The following TMEM131 variants were observed in gnomAD, a reference collection of about 807,000 sequenced individuals.
The protein encoded by TMEM131 is transmembrane protein 131.
A neutral mutation model predicts 211.6 loss-of-function variants in TMEM131; 66 were observed. The ratio of observed to expected loss-of-function variants is 0.31; its 90% confidence interval spans 0.26 to 0.38. TMEM131 has a LOEUF of 0.38. Among genes scored for constraint, TMEM131 ranks in the 10% least tolerant of loss-of-function variants. The probability of loss-of-function intolerance (pLI) is 1.00; values close to 1 mark genes in which losing one functional copy is unlikely to be tolerated. For synonymous variants in TMEM131, 844 were observed against 841.3 expected, an observed-to-expected ratio of 1.00 and a Z score of -0.06; for missense variants, 2,036 against 2,299.3, an observed-to-expected ratio of 0.89 and a Z score of 2.34.
intron 1 of TMEM131, among the ~76,000 whole-genome samples, chr2:97,940,364 T>C (rs1311553013): frequency 1.3e-5 from 2 of 152,194 alleles, no homozygotes; most frequent in Non-Finnish European, 1.5e-5. Flanking sequence ...CAAGCACTCC[T>C]ATACACCAAT....
At chr2:97,859,937 C>T (rs1382977806) in intron 4 of TMEM131, among the ~76,000 whole-genome samples, 1 of 152,202 alleles carries the variant, frequency 6.6e-6, no homozygotes, top group Non-Finnish European at 1.5e-5. Context: ...CACTTGGAAC[C>T]TGGATGTGAA....
chr2:97,966,670 T>C (rs145353632), intron 1 of TMEM131, among the ~76,000 whole-genome samples: 4 of 152,212 alleles, frequency 2.6e-5, no homozygotes, highest in African/African-American at 9.6e-5. Context: ...GAGTCAAACA[T>C]AACATGAATA....
At chr2:97,775,248 G>A (rs1679664850) in intron 32 of TMEM131, among the ~76,000 whole-genome samples, 2 of 152,186 alleles carry the variant, frequency 1.3e-5, no homozygotes, top group African/African-American at 2.4e-5. Context: ...AGCCCTGGGA[G>A]CCGAGGCCTC....
In TMEM131 at chr2:97,812,427, T is replaced by C. The variant is rs200514329; in HGVS notation, c.1857A>G (p.Gln619=). The C allele has an allele frequency of 1.4e-4, 220 of 1,600,848 alleles. No individual in the cohort carries two copies. The African/African-American group carries it at 1.8e-3, about 13-fold the overall frequency. ...CAATAGAAAGTTTACTTACCGATGA[T>C]TGATCTGATAAAGAGGATTTTTCAA... The part of the protein sequence containing the change: ...PEFEKSSLSD[Q]SSVTLASGYF... Residue 619 remains glutamine, a synonymous_variant, in exon 17 of 41, where the codon CAA becomes CAG. Transcript: ENST00000186436.
chr2:97,960,273 G>A (rs1369202422), intron 1 of TMEM131, among the ~76,000 whole-genome samples: 1 of 152,128 alleles, frequency 6.6e-6, no homozygotes, highest in Non-Finnish European at 1.5e-5. Context: ...GTTGTAAAAC[G>A]GTAACTTTCT....
At chr2:97,816,204 G>T (rs1397447317) in intron 12 of TMEM131, among the ~76,000 whole-genome samples, 1 of 152,110 alleles carries the variant, frequency 6.6e-6, no homozygotes, top group Admixed American at 6.5e-5. Context: ...AGCCAGGTGT[G>T]GTGGCACGTG....
chr2:97,797,626 G>T, intron 25 of TMEM131, 110 bp from the exon 26 acceptor site: 1 of 912,794 alleles, frequency 1.1e-6, no homozygotes. Flanking sequence ...CTGATTAAAT[G>T]CATAAACAAT....
At chr2:97,940,154 T>C (rs1486752450) in intron 1 of TMEM131, among the ~76,000 whole-genome samples, 1 of 152,132 alleles carries the variant, frequency 6.6e-6, no homozygotes, top group Non-Finnish European at 1.5e-5. Flanking sequence ...TTCTACATAG[T>C]GTTGGAAGTT....
At chr2:97,893,654 T>C (rs534828437) in intron 3 of TMEM131, among the ~76,000 whole-genome samples, 1 of 152,342 alleles carries the variant, frequency 6.6e-6, no homozygotes, top group South Asian at 2.1e-4. Context: ...GATGATGAGC[T>C]TTTTTAAATA....
intron 4 of TMEM131, among the ~76,000 whole-genome samples, chr2:97,880,086 G>A (rs1212261976): frequency 6.6e-6 from 1 of 152,084 alleles, no homozygotes; most frequent in Non-Finnish European, 1.5e-5. Flanking sequence ...TATGTTAAAA[G>A]TACATTCATT....
chr2:97,797,236 T>C lies in TMEM131; in HGVS notation c.2870+129A>G, dbSNP rs1182255980. On this transcript the variant is annotated intron_variant, in intron 26 of 40. Coordinates refer to ENST00000186436, the MANE Select transcript of TMEM131 (RefSeq NM_015348.2). ...AAGGTATGTTTCATCAGGCATGGAG[T>C]GTGTGCATGTTTTGGACAAAGTGAA... 7.5e-6 allele frequency: 7 copies of C among 933,186 alleles called. No homozygotes were observed. In the African/African-American group the frequency reaches 9.9e-5, roughly 13 times the overall value. The allele number at this position is 933,186 out of a possible 1,614,324, so 57.8% of individuals were successfully genotyped here.
intron 11 of TMEM131, among the ~76,000 whole-genome samples, chr2:97,825,897 G>A (rs1199780263): frequency 6.6e-6 from 1 of 152,206 alleles, no homozygotes; most frequent in Non-Finnish European, 1.5e-5. Flanking sequence ...GGCATAGTAG[G>A]TGCCAAAGGA....
chr2:97,757,077 G>C lies in TMEM131; in HGVS notation c.*22C>G. 6.4e-7 allele frequency: 1 copy of C among 1,563,912 alleles called. No individual in the cohort carries two copies. On this transcript the variant is annotated 3_prime_UTR_variant, in exon 41 of 41. Transcript: ENST00000186436. ...CATGATCTAGACGAGGGCCCACTATGTTTGTTTGTTTTTTGCTTAATTTAA... is the reference window on the plus strand; with the variant it reads ...CATGATCTAGACGAGGGCCCACTATCTTTGTTTGTTTTTTGCTTAATTTAA...
intron 1 of TMEM131, among the ~76,000 whole-genome samples, chr2:97,943,037 A>AAAAGAAAAGAAAGAGAAAG (rs1559464422): frequency 9.1e-5 from 6 of 66,000 alleles, no homozygotes; most frequent in Non-Finnish European, 1.6e-4. Flanking sequence ...AAAAGAAAAG[A>AAAAGAAAAGAAAGAGAAAG]AAAGAAAGAA....
intron 28 of TMEM131, among the ~76,000 whole-genome samples, chr2:97,795,961 T>C (rs531268078): frequency 6.6e-6 from 1 of 152,304 alleles, no homozygotes; most frequent in African/African-American, 2.4e-5. Context: ...TAAGATTATC[T>C]GATCCACTTC....
intron 1 of TMEM131, among the ~76,000 whole-genome samples, chr2:97,957,480 G>A (rs1402641941): frequency 6.6e-6 from 1 of 151,996 alleles, no homozygotes; most frequent in African/African-American, 2.4e-5. Flanking sequence ...GGCTTGCTTT[G>A]AAATTCAAGG....
chr2:97,918,189 C>T (rs1003632319), intron 2 of TMEM131, among the ~76,000 whole-genome samples: 6 of 152,110 alleles, frequency 3.9e-5, no homozygotes, highest in South Asian at 2.1e-4. Context: ...GGCGATCCAC[C>T]GGCCTCAGCC....
At chr2:97,758,852 T>TGGGCCA (rs1678656306) in intron 40 of TMEM131, 41 bp downstream of exon 40, 6 of 1,571,516 alleles carry the variant, frequency 3.8e-6, no homozygotes, top group East Asian at 2.3e-5. Flanking sequence ...GGCGAGTGGG[T>TGGGCCA]GGGCCAGGTC....
chr2:97,814,422 ATT>A, intron 13 of TMEM131, 34 bp from the exon 14 acceptor site: 1 of 1,515,442 alleles, frequency 6.6e-7, no homozygotes, highest in Non-Finnish European at 8.9e-7. Context: ...AAAATAAATC[ATT>A]TTTATTTCCA....
Sources: gnomAD v4.1 joint callset for allele counts (sites outside exome capture counted in the v4.1 genomes callset) on GRCh38, gnomAD v4.1.1 for gene constraint, MANE v1.5 for transcripts, NCBI Gene and HGNC (gene_info 2026-07-23, HGNC 2026-07-21) for gene names.